Variants in TNIK observed in about 807,000 individuals in gnomAD.
The protein encoded by TNIK is TRAF2 and NCK-interacting protein kinase.
Under a neutral mutation model 191.3 loss-of-function variants are expected in TNIK, and 49 were observed. The ratio of observed to expected loss-of-function variants is 0.26; its 90% CI spans 0.20 to 0.32. The LOEUF is 0.32. Ranked by LOEUF, TNIK falls within the 10% of genes least tolerant of loss-of-function variation. The pLI is 1.00. For missense variants in TNIK, 1,155 were observed against 1,702.3 expected, an observed-to-expected ratio of 0.68 and a Z score of 5.66; for synonymous variants, 594 against 600.9, an observed-to-expected ratio of 0.99 and a Z score of 0.17.
chr3:171,064,797 G>A (rs1350460380), intron 32 of TNIK, among the ~76,000 whole-genome samples: 1 of 152,182 alleles, frequency 6.6e-6, no homozygotes, highest in Admixed American at 6.5e-5. Context: ...ACTTTTGTTA[G>A]GTAGTTGCTT....
intron 18 of TNIK, among the ~76,000 whole-genome samples, chr3:171,122,577 C>T (rs984832325): frequency 6.6e-6 from 1 of 152,158 alleles, no homozygotes; most frequent in African/African-American, 2.4e-5. Context: ...CTGGGCTGAC[C>T]CCTTCCCTAA....
chr3:171,087,626 G>C, intron 23 of TNIK, 120 bp from the exon 24 acceptor site: 1 of 1,055,000 alleles, frequency 9.5e-7, no homozygotes, highest in Non-Finnish European at 1.4e-6. Flanking sequence ...GGCATGAGAA[G>C]GTGATATTCA....
At chr3:171,161,400 C>A in intron 10 of TNIK, 64 bp from the exon 11 acceptor site, 1 of 1,448,730 alleles carries the variant, frequency 6.9e-7, no homozygotes. Flanking sequence ...AGCCCAACCC[C>A]GTCTCTTATA....
intron 18 of TNIK, among the ~76,000 whole-genome samples, chr3:171,121,035 C>A (rs1014465435): frequency 1.3e-5 from 2 of 152,118 alleles, no homozygotes; most frequent in Non-Finnish European, 2.9e-5. Context: ...AACAAAACAT[C>A]CTGAATCTGT....
chr3:171,281,448 A>G (rs1326235313), intron 2 of TNIK, among the ~76,000 whole-genome samples: 2 of 152,208 alleles, frequency 1.3e-5, no homozygotes, highest in African/African-American at 4.8e-5. Context: ...TCAGCTGTGA[A>G]ATCATGAGCA....
intron 2 of TNIK, among the ~76,000 whole-genome samples, chr3:171,232,523 C>G (rs1191183464): frequency 1.3e-5 from 2 of 152,062 alleles, no homozygotes; most frequent in Non-Finnish European, 2.9e-5. Context: ...TTTTTTCCTA[C>G]AGAAATAACC....
At chr3:171,080,156 G>A (rs1385781085) in intron 27 of TNIK, among the ~76,000 whole-genome samples, 2 of 151,322 alleles carry the variant, frequency 1.3e-5, no homozygotes, top group Non-Finnish European at 3.0e-5. Flanking sequence ...AAGGAATACT[G>A]AACAAAAATA....
chr3:171,082,113 T>A, intron 27 of TNIK, 138 bp downstream of exon 27: 3 of 1,186,812 alleles, frequency 2.5e-6, no homozygotes, highest in Non-Finnish European at 3.4e-6. Context: ...ATGTGGGCAA[T>A]CTCACTCTGG....
intron 2 of TNIK, among the ~76,000 whole-genome samples, chr3:171,299,693 C>T (rs552128194): frequency 6.6e-6 from 1 of 152,280 alleles, no homozygotes; most frequent in South Asian, 2.1e-4. Context: ...CCCACTGCTT[C>T]AGCTTCCTCC....
chr3:171,171,547 G>A (rs888716893), intron 9 of TNIK, among the ~76,000 whole-genome samples: 1 of 152,196 alleles, frequency 6.6e-6, no homozygotes, highest in Non-Finnish European at 1.5e-5. Flanking sequence ...AAGCAGTTAT[G>A]ATTTTTCTAA....
Position 171,101,641 on chromosome 3 carries a change from A to G in TNIK, c.2407-8T>C, listed in dbSNP as rs375734622. ...GGCTAATGCCGTCAGATCCTATGAA[A>G]GAAAAATTTGTTCAGCATATGAGTG... On this transcript the variant is annotated splice_region_variant and splice_polypyrimidine_tract_variant and intron_variant, in intron 21 of 32. Coordinates refer to ENST00000436636, the MANE Select transcript of TNIK (RefSeq NM_015028.4). 42 of 1,611,692 alleles carry G rather than the reference A, an allele frequency of 2.6e-5. No homozygotes were observed. The African/African-American group carries it at 5.4e-4, about 21-fold the overall frequency.
In TNIK at chr3:171,339,673, C is replaced by A. The variant is rs868759285; in HGVS notation, c.123+29947G>T. ...CAGGCTGCTTCTCACTAGACTTCCT[C>A]CCTCTTTTCTCAGTCTTAAGACATC... On this transcript the variant is annotated intron_variant, in intron 2 of 32. Coordinates refer to ENST00000436636, the MANE Select transcript of TNIK (RefSeq NM_015028.4). Among the ~76,000 whole-genome samples the A allele has an allele frequency of 2.0e-5, 3 of 152,336 alleles. No individual in the cohort carries two copies. The South Asian group carries it at 6.2e-4, about 32-fold the overall frequency.
At chr3:171,297,021 C>T (rs1353915782) in intron 2 of TNIK, among the ~76,000 whole-genome samples, 2 of 152,062 alleles carry the variant, frequency 1.3e-5, no homozygotes, top group African/African-American at 2.4e-5. Context: ...AAATCAAATT[C>T]CCTGATGTGC....
intron 2 of TNIK, among the ~76,000 whole-genome samples, chr3:171,354,433 G>T (rs958251180): frequency 1.3e-5 from 2 of 152,102 alleles, no homozygotes; most frequent in Non-Finnish European, 2.9e-5. Flanking sequence ...CCAGGACCTC[G>T]GAGGGCCAAA....
intron 1 of TNIK, among the ~76,000 whole-genome samples, chr3:171,404,852 A>T (rs141636880): frequency 2.0e-5 from 3 of 152,312 alleles, no homozygotes; most frequent in African/African-American, 7.2e-5. Flanking sequence ...CTCAGCTGTG[A>T]TGTTTACTCT....
chr3:171,413,767 T>C (rs907509848), intron 1 of TNIK, among the ~76,000 whole-genome samples: 1 of 152,138 alleles, frequency 6.6e-6, no homozygotes, highest in African/African-American at 2.4e-5. Context: ...TGGTTAAGAG[T>C]ACAGGTTCGC....
chr3:171,255,382 T>A (rs1746730267), intron 2 of TNIK, among the ~76,000 whole-genome samples: 1 of 152,218 alleles, frequency 6.6e-6, no homozygotes, highest in African/African-American at 2.4e-5. Context: ...GTTACAACCA[T>A]CTTAGCTAGA....
In TNIK at chr3:171,093,938, C is replaced by T. The variant is rs925366959; in HGVS notation, c.2622G>A (p.Gln874=). 6 of 1,613,638 alleles carry T rather than the reference C, an allele frequency of 3.7e-6. No homozygotes were observed. Among genetic ancestry groups the T allele is most frequent in the Non-Finnish European group, 5.1e-6 (6 of 1,179,826 alleles). Residue 874 remains glutamine, a synonymous_variant, in exon 23 of 33, where the codon CAG becomes CAA. Transcript: ENST00000436636. ...GCGTCCCCACCATTCCCACATTGTA[C>T]TGCTCGTTGCTGCCTGGAGCTCCTG... ...IPTGAPGSNE[Q]YNVGMVGTHG... is the part of the protein sequence containing the mutation.
At chr3:171,084,472 T>A in intron 25 of TNIK, 147 bp from the exon 26 acceptor site, 2 of 974,934 alleles carry the variant, frequency 2.1e-6, no homozygotes, top group Non-Finnish European at 2.9e-6. Flanking sequence ...TTTACACTTT[T>A]TTTTTGTTTT....
Sources: gnomAD v4.1 joint callset for allele counts (sites outside exome capture counted in the v4.1 genomes callset) on GRCh38, gnomAD v4.1.1 for gene constraint, MANE v1.5 for transcripts, NCBI Gene and HGNC (gene_info 2026-07-23, HGNC 2026-07-21) for gene names.